The following DCAF17 variants were observed in gnomAD, a reference collection of about 807,000 sequenced individuals.
The protein encoded by DCAF17 is DDB1 and CUL4 associated factor 17.
Under a neutral mutation model 66.0 loss-of-function variants are expected in DCAF17, and 48 were observed. The observed-to-expected ratio is 0.73, with a 90% CI of 0.58 to 0.92. The LOEUF is 0.92. DCAF17 is among the 40% of genes least tolerant of loss of function. The pLI, the probability that DCAF17 is intolerant of heterozygous loss-of-function variation, is 0.00. For synonymous variants in DCAF17, 206 were observed against 214.6 expected (o/e 0.96, Z 0.35); for missense variants, 562 against 622.8 (o/e 0.90, Z 1.04).
chr2:171,448,942 C>T, intron 4 of DCAF17, 125 bp downstream of exon 4: 1 of 852,782 alleles, frequency 1.2e-6, no homozygotes, highest in Non-Finnish European at 1.9e-6. Context: ...ATTAATAAAC[C>T]TATTTTCTTT....
chr2:171,469,065 T>G (rs769204619), intron 9 of DCAF17, 35 bp downstream of exon 9: 26 of 1,611,456 alleles, frequency 1.6e-5, no homozygotes, highest in Non-Finnish European at 2.1e-5. Flanking sequence ...TTAGCAAATT[T>G]GTATCAAGTT....
chr2:171,453,758 T>C (rs2105762993), intron 6 of DCAF17, among the ~76,000 whole-genome samples: 1 of 152,326 alleles, frequency 6.6e-6, no homozygotes, highest in Non-Finnish European at 1.5e-5. Flanking sequence ...AATAGGATTC[T>C]ACTTTAAAAA....
chr2:171,458,048 C>G lies in DCAF17; in HGVS notation c.705C>G (p.Leu235=), dbSNP rs1187834430. 3 of 1,613,858 alleles carry G rather than the reference C, an allele frequency of 1.9e-6. No individual in the cohort carries two copies. Among genetic ancestry groups the G allele is most frequent in the Non-Finnish European group, 2.5e-6 (3 of 1,179,944 alleles). Residue 235 remains leucine, a synonymous_variant, in exon 7 of 14, where the codon CTC becomes CTG. Coordinates refer to ENST00000375255, the MANE Select transcript of DCAF17 (RefSeq NM_025000.4). Reference sequence around the variant, plus strand: ...TGTACAGCTCAGGACTGGTCAGACTCTATAGCTTCCAAACCATCGCTGAAC... The same window carrying G: ...TGTACAGCTCAGGACTGGTCAGACTGTATAGCTTCCAAACCATCGCTGAAC... ...IVMYSSGLVR[L]YSFQTIAEQF...
At chr2:171,450,357 C>CGTG (rs759014517) in intron 5 of DCAF17, among the ~76,000 whole-genome samples, 79 of 152,124 alleles carry the variant, frequency 5.2e-4, no homozygotes, top group Non-Finnish European at 9.6e-4. Context: ...GACCCAACAC[C>CGTG]ACCTGTTCCT....
In DCAF17 at chr2:171,482,654, C is replaced by T. The variant is rs1398582890; in HGVS notation, c.*1540C>T. The T allele has an allele frequency of 4.4e-6, 2 of 453,794 alleles. No individual in the cohort carries two copies. The highest frequency in any genetic ancestry group is 1.4e-4 in the East Asian group (2 of 14,398). 28.1% of individuals were successfully genotyped at this position (453,794 alleles called of 1,614,324 possible). The stretch of plus-strand genomic sequence containing the variant: ...TTCAGAATAGGATGTCTTAAGACTT[C>T]AGTCATGTCAGAGATTTTTTTTTTT... On this transcript the variant is annotated 3_prime_UTR_variant, in exon 14 of 14. Coordinates refer to ENST00000375255, the MANE Select transcript of DCAF17 (RefSeq NM_025000.4).
At chr2:171,471,015 A>G (rs1696216437) in intron 9 of DCAF17, among the ~76,000 whole-genome samples, 2 of 152,258 alleles carry the variant, frequency 1.3e-5, no homozygotes, top group African/African-American at 4.8e-5. Flanking sequence ...GGGTCCTGGA[A>G]GCAATCCCCT....
At chr2:171,437,815 A>G (rs1000169518) in intron 2 of DCAF17, among the ~76,000 whole-genome samples, 2 of 152,166 alleles carry the variant, frequency 1.3e-5, no homozygotes, top group Non-Finnish European at 2.9e-5. Flanking sequence ...TCAAAAAAAC[A>G]GCTTTTGGTT....
rs1422464336 is a variant in DCAF17 at position 171,473,936 on chromosome 2, C to A, written c.1052C>A (p.Ala351Asp). The change falls in exon 10 of 14, where the codon GCT (alanine) becomes GAT (aspartate). Residue 351 changes from alanine to aspartate, a missense_variant. Physicochemically the swap from Ala to Asp is moderately radical, Grantham distance 126. Transcript: ENST00000375255. ...ESDWIYFHPD[A>D]SGRIIHVGPN... Reference sequence around the variant, plus strand: ...GACTGGATCTATTTCCATCCTGATGCTTCTGGTAGAATAATACATGTTGGT... The same window carrying A: ...GACTGGATCTATTTCCATCCTGATGATTCTGGTAGAATAATACATGTTGGT... 2 of 1,613,748 alleles carry A rather than the reference C, an allele frequency of 1.2e-6. No homozygotes were observed. Among genetic ancestry groups the A allele is most frequent in the Non-Finnish European group, 1.7e-6 (2 of 1,179,802 alleles).
intron 2 of DCAF17, among the ~76,000 whole-genome samples, chr2:171,439,511 CTTT>C (rs374646610): frequency 9.5e-5 from 9 of 94,766 alleles, no homozygotes; most frequent in Non-Finnish European, 1.3e-4. Flanking sequence ...CTTTTTTTTC[CTTT>C]TTTTTTTTTT....
At chr2:171,464,119 G>A (rs534430537) in intron 8 of DCAF17, among the ~76,000 whole-genome samples, 80 of 152,120 alleles carry the variant, frequency 5.3e-4, no homozygotes, top group Admixed American at 1.5e-3. Flanking sequence ...GAATTTCCTC[G>A]CTTTCTAGAA....
chr2:171,467,221 TAAAA>T (rs143808941), intron 8 of DCAF17, among the ~76,000 whole-genome samples: 6 of 149,620 alleles, frequency 4.0e-5, no homozygotes, highest in African/African-American at 1.5e-4. Flanking sequence ...TTGCCACAAT[TAAAA>T]AAAAAATCAC....
intron 2 of DCAF17, among the ~76,000 whole-genome samples, chr2:171,435,715 G>C (rs1693863310): frequency 6.6e-6 from 1 of 152,024 alleles, no homozygotes; most frequent in Non-Finnish European, 1.5e-5. Flanking sequence ...ATCAAGATTT[G>C]CCACATTTGC....
At chr2:171,442,372 C>CA (rs1364131278) in intron 2 of DCAF17, among the ~76,000 whole-genome samples, 4 of 151,314 alleles carry the variant, frequency 2.6e-5, no homozygotes, top group African/African-American at 9.7e-5. Flanking sequence ...GCCTGACCAA[C>CA]ATGGTGAAAC....
At position 171,484,261 on chromosome 2, in the gene DCAF17, C is replaced by G; in HGVS notation, c.*3147C>G. On this transcript the variant is annotated 3_prime_UTR_variant, in exon 14 of 14. Transcript: ENST00000375255. ...GAATCCCAGGGAGCTAATTTCTGGT[C>G]CCTGTGTTGCTATCAAATCTGTATC... The G allele has an allele frequency of 2.2e-6, 1 of 448,546 alleles. No homozygotes were observed. Among genetic ancestry groups the G allele is most frequent in the Non-Finnish European group, 4.4e-6 (1 of 225,718 alleles). 27.8% of individuals were successfully genotyped at this position (448,546 alleles called of 1,614,324 possible). A position where few individuals can be genotyped will look rare whatever the true frequency, so the allele number is the denominator to read the frequency against.
chr2:171,462,065 C>T (rs573210362), intron 8 of DCAF17, among the ~76,000 whole-genome samples: 1 of 152,232 alleles, frequency 6.6e-6, no homozygotes, highest in Admixed American at 6.5e-5. Flanking sequence ...CTTGTGAAAA[C>T]AACAAAGTTG....
chr2:171,444,561 A>G lies in DCAF17; in HGVS notation c.321+948A>G, dbSNP rs578052553. Among the ~76,000 whole-genome samples, 9 of 152,324 alleles carry G rather than the reference A, an allele frequency of 5.9e-5. No homozygotes were observed. The East Asian group carries it at 1.7e-3, about 29-fold the overall frequency. On this transcript the variant is annotated intron_variant, in intron 3 of 13. Transcript: ENST00000375255. ...CAAGATACCTCATTATGCATATGCA[A>G]ATATCCCCAAATCCAAAGAAATTCA...
intron 9 of DCAF17, among the ~76,000 whole-genome samples, chr2:171,469,592 A>G (rs1482760979): frequency 6.6e-6 from 1 of 152,240 alleles, no homozygotes; most frequent in Non-Finnish European, 1.5e-5. Context: ...AAAATGGCTT[A>G]GGCGTTGATT....
chr2:171,450,300 A>C (rs922031599), intron 5 of DCAF17, among the ~76,000 whole-genome samples: 2 of 152,192 alleles, frequency 1.3e-5, no homozygotes, highest in East Asian at 3.8e-4. Flanking sequence ...CTCAGGTGAT[A>C]TGTGCACCAA....
At position 171,478,036 on chromosome 2, in the gene DCAF17, G is replaced by C; in HGVS notation, c.1232G>C (p.Ser411Thr). Residue 411 changes from serine to threonine, a missense_variant, in exon 12 of 14, where the codon AGT becomes ACT. By Grantham distance (58) the Ser-to-Thr change is moderately conservative. Coordinates refer to ENST00000375255, the MANE Select transcript of DCAF17 (RefSeq NM_025000.4). ...VTASGRVVKK[S>T]FNLLDDDPEQ... ...GCTTCTGGACGGGTGGTAAAAAAAA[G>C]TTTTAACCTTCTGGATGATGACCCA... 2 of 1,613,960 alleles carry C rather than the reference G, an allele frequency of 1.2e-6. No homozygotes were observed. Among genetic ancestry groups the C allele is most frequent in the Non-Finnish European group, 1.7e-6 (2 of 1,179,930 alleles).
Sources: allele counts gnomAD v4.1 joint callset (sites outside exome capture counted in the v4.1 genomes callset), GRCh38; gene constraint gnomAD v4.1.1; transcripts MANE v1.5; gene names NCBI Gene and HGNC (gene_info 2026-07-23, HGNC 2026-07-21).